Variants in PILRA observed in about 807,000 individuals in gnomAD.
The protein encoded by PILRA is paired immunoglobin like type 2 receptor alpha, also known as paired immunoglobulin-like type 2 receptor alpha.
In PILRA, 37 loss-of-function variants were observed where a neutral mutation model predicts 33.1. The observed-to-expected ratio is 1.12, with a 90% confidence interval of 0.86 to 1.47. The LOEUF is 1.47. Ranked by LOEUF, PILRA falls within the 40% of genes most tolerant of loss-of-function variation. The pLI is 0.00. For synonymous variants in PILRA, 146 were observed against 149.9 expected (o/e 0.97, Z 0.19); for missense variants, 312 against 376.2 (o/e 0.83, Z 1.41).
intron 2 of PILRA, chr7:100,376,168 C>T (rs1219177476): frequency 6.6e-6 from 1 of 152,220 alleles, no homozygotes; most frequent in Non-Finnish European, 1.5e-5. Flanking sequence ...TGGTAAACCA[C>T]TGCACCATCT....
rs1233697127 is a variant in PILRA, at chr7:100,374,431, AG to A, written c.454+1del. The A allele has an allele frequency of 1.9e-6, 3 of 1,613,912 alleles. No individual in the cohort carries two copies. The South Asian group carries it at 3.3e-5, about 18-fold the overall frequency. On this transcript the variant is annotated frameshift_variant and splice_region_variant, in exon 2 of 7. Transcript: ENST00000198536. LOFTEE classifies it high-confidence loss of function. ...SIEGTKLSIT[Q>X]AVTTTTQRPS... ...GAGGGGACCAAACTCTCCATCACCCAGGGTGAGTCCAGCTGCCCTGGCACCC... is the reference window on the plus strand; with the variant it reads ...GAGGGGACCAAACTCTCCATCACCCAGGTGAGTCCAGCTGCCCTGGCACCC...
Position 100,399,274 on chromosome 7 carries a change from C to T in PILRA, c.708-17C>T, listed in dbSNP as rs1291485919. ...CCCAACCTCTAACATATTTCCTGTC[C>T]TCTTGTTCCCATACAGGGAACCCTT... On this transcript the variant is annotated splice_polypyrimidine_tract_variant and intron_variant, in intron 4 of 6. Transcript: ENST00000198536. The T allele has an allele frequency of 1.3e-6, 2 of 1,598,654 alleles. No individual in the cohort carries two copies. Among genetic ancestry groups the T allele is most frequent in the African/African-American group, 2.7e-5 (2 of 74,618 alleles).
chr7:100,374,510 C>A lies in PILRA; in HGVS notation c.454+77C>A, dbSNP rs755991998. On this transcript the variant is annotated intron_variant, in intron 2 of 6. Transcript: ENST00000198536. ...TGATCACTGGTGACATCGTCCCCAG[C>A]ACCTCAGACCCCACTTCTTCTGACG... 4.6e-6 allele frequency: 7 copies of A among 1,538,384 alleles called. No homozygotes were observed. In the South Asian group the frequency reaches 6.7e-5, roughly 15 times the overall value.
At chr7:100,381,752 G>C (rs1353504955) in intron 2 of PILRA, among the ~76,000 whole-genome samples, 7 of 152,190 alleles carry the variant, frequency 4.6e-5, no homozygotes, top group African/African-American at 1.4e-4. Context: ...CGGGAACCGG[G>C]GCTGCGCGCG....
chr7:100,396,048 C>T (rs535471172), intron 3 of PILRA, among the ~76,000 whole-genome samples: 6 of 152,030 alleles, frequency 3.9e-5, no homozygotes, highest in Admixed American at 3.3e-4. Flanking sequence ...CACTTGAACC[C>T]GGGAGGCAGA....
Position 100,373,601 on chromosome 7 carries a change from C to G in PILRA, c.-56C>G. 1 of 1,607,498 alleles carries G rather than the reference C, an allele frequency of 6.2e-7. No homozygotes were observed. The highest frequency in any genetic ancestry group is 1.7e-5 in the Admixed American group (1 of 60,006). Reference sequence around the variant, plus strand: ...CCCAGGCGGCCCCTCCACAGGGCCCCTCTCCTGCCTGGACGGCTCTGCTGG... The same window carrying G: ...CCCAGGCGGCCCCTCCACAGGGCCCGTCTCCTGCCTGGACGGCTCTGCTGG... On this transcript the variant is annotated 5_prime_UTR_variant, in exon 1 of 7. Coordinates refer to ENST00000198536, the MANE Select transcript of PILRA (RefSeq NM_013439.3).
upstream of PILRA, among the ~76,000 whole-genome samples, chr7:100,372,308 G>A (rs1584206743): frequency 6.6e-6 from 1 of 150,798 alleles, no homozygotes. Context: ...GAGGGAGGGC[G>A]GGCCGGCCTG....
At chr7:100,392,934 C>T (rs913038412) in intron 3 of PILRA, among the ~76,000 whole-genome samples, 1 of 152,094 alleles carries the variant, frequency 6.6e-6, no homozygotes, top group Admixed American at 6.6e-5. Flanking sequence ...ATTTCATAAG[C>T]AGTAGAGACA....
intron 2 of PILRA, among the ~76,000 whole-genome samples, chr7:100,386,433 G>A (rs1248318361): frequency 1.3e-5 from 2 of 152,054 alleles, no homozygotes; most frequent in African/African-American, 4.8e-5. Context: ...GAAGCAGGGA[G>A]TTGGAGGTTG....
chr7:100,372,208 T>C (rs530455289), upstream of PILRA, among the ~76,000 whole-genome samples: 2 of 152,108 alleles, frequency 1.3e-5, no homozygotes, highest in East Asian at 1.9e-4. Context: ...CCTCAGAATG[T>C]TGTGAAGCAG....
chr7:100,374,687 G>T (rs1481326209), intron 2 of PILRA: 1 of 556,342 alleles, frequency 1.8e-6, no homozygotes, highest in African/African-American at 1.9e-5. Context: ...CACTCCTCAG[G>T]CCTCAGCAGC....
chr7:100,399,385 T>C, intron 5 of PILRA, 45 bp downstream of exon 5: 1 of 1,541,176 alleles, frequency 6.5e-7, no homozygotes, highest in Non-Finnish European at 9.0e-7. Flanking sequence ...CCCCTGGCAC[T>C]TCCTGTTTCC....
intron 3 of PILRA, 122 bp downstream of exon 3, chr7:100,390,228 G>A (rs938437105): frequency 4.8e-6 from 4 of 831,348 alleles, no homozygotes; most frequent in Non-Finnish European, 7.7e-6. Context: ...GCCCACCGAG[G>A]CCGACTTCGT....
intron 2 of PILRA, among the ~76,000 whole-genome samples, chr7:100,383,812 T>G (rs915860505): frequency 6.6e-6 from 1 of 151,886 alleles, no homozygotes; most frequent in African/African-American, 2.4e-5. Flanking sequence ...AATTTTTATG[T>G]TTTTAGTAGA....
chr7:100,371,898 T>G (rs1401407545), upstream of PILRA, among the ~76,000 whole-genome samples: 1 of 152,192 alleles, frequency 6.6e-6, no homozygotes, highest in African/African-American at 2.4e-5. Flanking sequence ...GAAAGTGACA[T>G]AAACATGCAT....
intron 2 of PILRA, chr7:100,376,238 G>T (rs1440085217): frequency 2.0e-5 from 3 of 152,156 alleles, no homozygotes; most frequent in Non-Finnish European, 4.4e-5. Context: ...AATGAAGCAA[G>T]ACAGCCTTGA....
intron 6 of PILRA, 62 bp downstream of exon 6, chr7:100,399,674 G>A: frequency 5.6e-6 from 9 of 1,611,736 alleles, no homozygotes; most frequent in Non-Finnish European, 7.6e-6. Flanking sequence ...TGGGGTGGAA[G>A]GGAGAAGGGG....
chr7:100,398,837 C>T (rs1791553943), intron 4 of PILRA, among the ~76,000 whole-genome samples: 1 of 152,122 alleles, frequency 6.6e-6, no homozygotes, highest in African/African-American at 2.4e-5. Context: ...AAGCAGCCTC[C>T]GAGTCTAAAA....
At chr7:100,390,287 G>A (rs1791361593) in intron 3 of PILRA, among the ~76,000 whole-genome samples, 181 bp downstream of exon 3, 1 of 152,092 alleles carries the variant, frequency 6.6e-6, no homozygotes, top group South Asian at 2.1e-4. Context: ...AGTGGGGCGG[G>A]GCAGGGTCAC....
Sources: gnomAD v4.1 joint callset for allele counts (sites outside exome capture counted in the v4.1 genomes callset) on GRCh38, gnomAD v4.1.1 for gene constraint, MANE v1.5 for transcripts, NCBI Gene and HGNC (gene_info 2026-07-23, HGNC 2026-07-21) for gene names.